The following CCDC6 variants were observed in gnomAD, a reference collection of about 807,000 sequenced individuals.
The protein encoded by CCDC6 is coiled-coil domain containing 6.
In CCDC6, 20 loss-of-function variants were observed where a neutral mutation model predicts 56.6. The observed-to-expected ratio is 0.35, with a 90% CI of 0.25 to 0.51. CCDC6 has a LOEUF of 0.51. Among genes scored for constraint, CCDC6 ranks in the 20% least tolerant of loss-of-function variants. The pLI is 0.95. For missense variants in CCDC6, 367 were observed against 601.1 expected (o/e 0.61, Z 4.07); for synonymous variants, 241 against 234.4 (o/e 1.03, Z -0.26).
At chr10:59,871,745 G>C (rs1244955716) in intron 1 of CCDC6, among the ~76,000 whole-genome samples, 1 of 152,110 alleles carries the variant, frequency 6.6e-6, no homozygotes. Context: ...ATAATATGAA[G>C]TCCTTTATGG....
At chr10:59,858,497 C>A (rs2071097550) in intron 1 of CCDC6, among the ~76,000 whole-genome samples, 2 of 152,150 alleles carry the variant, frequency 1.3e-5, no homozygotes, top group South Asian at 4.1e-4. Context: ...GAAAATAGCA[C>A]CAAAGAGTGA....
chr10:59,827,971 A>G (rs750334951), intron 3 of CCDC6, among the ~76,000 whole-genome samples: 12 of 152,186 alleles, frequency 7.9e-5, no homozygotes, highest in Non-Finnish European at 1.5e-4. Context: ...CTTCTTCCCC[A>G]TCAGATAATT....
At position 59,882,030 on chromosome 10, in the gene CCDC6, G is replaced by C. The variant is rs1416960631; in HGVS notation, c.303+24092C>G. Reference sequence around the variant, plus strand: ...GGGAGAAGGAAAGGAAAGCCGCGGGGAGAAGGAAAGGAAAGCCAGGGGGAG... The same window carrying C: ...GGGAGAAGGAAAGGAAAGCCGCGGGCAGAAGGAAAGGAAAGCCAGGGGGAG... On this transcript the variant is annotated intron_variant, in intron 1 of 8. Transcript: ENST00000263102. 1.4e-4 allele frequency among the ~76,000 whole-genome samples: 21 copies of C among 146,104 alleles called. 2 individuals are homozygous for C. The highest frequency in any genetic ancestry group is 2.1e-4 in the Non-Finnish European group (14 of 66,572).
At chr10:59,869,829 C>T (rs571682990) in intron 1 of CCDC6, among the ~76,000 whole-genome samples, 22 of 152,268 alleles carry the variant, frequency 1.4e-4, no homozygotes, top group African/African-American at 5.1e-4. Flanking sequence ...CCAGCCTCTG[C>T]CTGCCTCTTG....
intron 2 of CCDC6, among the ~76,000 whole-genome samples, chr10:59,848,167 G>A (rs993093621): frequency 1.1e-4 from 16 of 152,154 alleles, no homozygotes; most frequent in Non-Finnish European, 2.2e-4. Flanking sequence ...GCCAAGACAG[G>A]TTCTGGCCAC....
chr10:59,891,949 A>C (rs757890594), intron 1 of CCDC6, among the ~76,000 whole-genome samples: 1 of 152,226 alleles, frequency 6.6e-6, no homozygotes, highest in Non-Finnish European at 1.5e-5. Context: ...CAAAGAAAAG[A>C]GGTCACTTGA....
chr10:59,870,635 G>A (rs1429371843), intron 1 of CCDC6, among the ~76,000 whole-genome samples: 1 of 152,112 alleles, frequency 6.6e-6, no homozygotes, highest in Non-Finnish European at 1.5e-5. Context: ...GGACAGGTAG[G>A]TGGGGCTATG....
chr10:59,834,502 G>A (rs1286925536), intron 2 of CCDC6, among the ~76,000 whole-genome samples: 1 of 151,630 alleles, frequency 6.6e-6, no homozygotes, highest in Non-Finnish European at 1.5e-5. Context: ...GGCGGAGGTT[G>A]CAGTGAGCCA....
chr10:59,896,894 A>ATGTTTTTAT, intron 1 of CCDC6, among the ~76,000 whole-genome samples: 1 of 152,338 alleles, frequency 6.6e-6, no homozygotes, highest in African/African-American at 2.4e-5. Context: ...TTCTCTGGGT[A>ATGTTTTTAT]CCTAAGGTAT....
In CCDC6 at chr10:59,836,052, T is replaced by TTAAAA. The variant is rs777308614; in HGVS notation, c.454-3400_454-3399insTTTTA. On this transcript the variant is annotated intron_variant, in intron 2 of 8. Transcript: ENST00000263102. ...CTGGGTGACAGACTGCGACCCTGTC[T>TTAAAA]AAAAAAAAAAAAAAAAAAAAAAGCT... Among the ~76,000 whole-genome samples the TTAAAA allele has an allele frequency of 9.1e-3, 524 of 57,570 alleles. 14 individuals carry two copies. Among genetic ancestry groups the TTAAAA allele is most frequent in the African/African-American group, 0.031 (478 of 15,210 alleles). 37.8% of individuals were successfully genotyped at this position (57,570 alleles called of 152,430 possible). A position where few individuals can be genotyped will look rare whatever the true frequency, so the allele number is the denominator to read the frequency against.
chr10:59,857,455 A>G (rs1170561507), intron 1 of CCDC6, among the ~76,000 whole-genome samples: 1 of 152,216 alleles, frequency 6.6e-6, no homozygotes, highest in African/African-American at 2.4e-5. Context: ...GTTAGTACAG[A>G]AAGAATTTTA....
chr10:59,820,926 A>G (rs80202744), intron 3 of CCDC6, among the ~76,000 whole-genome samples: 226 of 152,050 alleles, frequency 1.5e-3, no homozygotes, highest in Non-Finnish European at 2.4e-3. Context: ...ATTTAACACA[A>G]CAACTTCCCA....
chr10:59,868,080 A>T (rs1448283651), intron 1 of CCDC6, among the ~76,000 whole-genome samples: 2 of 152,068 alleles, frequency 1.3e-5, no homozygotes, highest in Non-Finnish European at 2.9e-5. Context: ...GGCAAAATAA[A>T]CTTTCTAAAT....
chr10:59,830,192 T>C lies in CCDC6; in HGVS notation c.582+2333A>G, dbSNP rs148457936. On this transcript the variant is annotated intron_variant, in intron 3 of 8. Coordinates refer to ENST00000263102, the MANE Select transcript of CCDC6 (RefSeq NM_005436.5). ...CAGTAAAGCAAAGACAAAAACTACA[T>C]GTAAATCATGATAAGGCATAGTGTA... 2.0e-3 allele frequency among the ~76,000 whole-genome samples: 298 copies of C among 152,314 alleles called. 1 individual carries two copies. The highest frequency in any genetic ancestry group is 3.0e-3 in the Non-Finnish European group (202 of 68,018).
chr10:59,813,304 T>C (rs2070687800), intron 4 of CCDC6, among the ~76,000 whole-genome samples: 1 of 152,232 alleles, frequency 6.6e-6, no homozygotes, highest in Non-Finnish European at 1.5e-5. Context: ...CAAACTGGAC[T>C]AGCGGCCCTT....
At chr10:59,850,183 A>G (rs1442354943) in intron 2 of CCDC6, among the ~76,000 whole-genome samples, 4 of 152,156 alleles carry the variant, frequency 2.6e-5, no homozygotes, top group Non-Finnish European at 5.9e-5. Flanking sequence ...TCAAACACCT[A>G]AAGACGAGGG....
At chr10:59,881,760 C>G (rs957576279) in intron 1 of CCDC6, among the ~76,000 whole-genome samples, 1 of 152,198 alleles carries the variant, frequency 6.6e-6, no homozygotes, top group Non-Finnish European at 1.5e-5. Context: ...AGGAGCTCTA[C>G]TTGGTATTAA....
At chr10:59,806,785 G>A (rs1010769419) in intron 6 of CCDC6, 137 bp downstream of exon 6, 18 of 621,390 alleles carry the variant, frequency 2.9e-5, no homozygotes, top group African/African-American at 5.4e-5. Context: ...CTACTATAAC[G>A]CAGTGGCATT....
At position 59,860,069 on chromosome 10, in the gene CCDC6, G is replaced by A. The variant is rs984541052; in HGVS notation, c.304-7367C>T. On this transcript the variant is annotated intron_variant, in intron 1 of 8. Coordinates refer to ENST00000263102, the MANE Select transcript of CCDC6 (RefSeq NM_005436.5). The stretch of plus-strand genomic sequence containing the variant: ...TGTACTCCAGTCTAGGCAACAGAGC[G>A]AGATTCTGTCTTGAAATAAAGTAAA... 3.3e-5 allele frequency among the ~76,000 whole-genome samples: 5 copies of A among 152,156 alleles called. No individual in the cohort carries two copies. In the East Asian group the frequency reaches 7.7e-4, roughly 23 times the overall value.
Sources: allele counts gnomAD v4.1 joint callset (sites outside exome capture counted in the v4.1 genomes callset), GRCh38; gene constraint gnomAD v4.1.1; transcripts MANE v1.5; gene names NCBI Gene and HGNC (gene_info 2026-07-23, HGNC 2026-07-21).